Variants in SH3PXD2A observed in about 807,000 individuals in gnomAD.
The protein encoded by SH3PXD2A is SH3 and PX domains 2A.
In SH3PXD2A, 32 loss-of-function variants were observed where a neutral mutation model predicts 115.2. That is an observed-to-expected ratio of 0.28 (90% confidence interval 0.21 to 0.37). The LOEUF (loss-of-function observed/expected upper bound fraction) is 0.37, where lower values mean the gene tolerates loss of function less well. Among genes scored for constraint, SH3PXD2A ranks in the 10% least tolerant of loss-of-function variants. The probability of loss-of-function intolerance (pLI) is 1.00; values close to 1 mark genes in which losing one functional copy is unlikely to be tolerated. For missense variants in SH3PXD2A, 1,328 were observed against 1,498.7 expected (o/e 0.89, Z 1.88); for synonymous variants, 610 against 629.1 (o/e 0.97, Z 0.45).
At chr10:103,683,358 A>C (rs2037636060) in intron 6 of SH3PXD2A, among the ~76,000 whole-genome samples, 1 of 151,752 alleles carries the variant, frequency 6.6e-6, no homozygotes, top group South Asian at 2.1e-4. Flanking sequence ...ACTAAAATAC[A>C]AAAAAATTAG....
At chr10:103,841,444 G>A (rs1307393293) in intron 1 of SH3PXD2A, among the ~76,000 whole-genome samples, 1 of 152,114 alleles carries the variant, frequency 6.6e-6, no homozygotes, top group Non-Finnish European at 1.5e-5. Context: ...GATGGAGACT[G>A]TGTTTCCCCA....
Position 103,644,114 on chromosome 10 carries a change from CAAAAAAAAAAAAAA to C in SH3PXD2A, c.604+16855_604+16868del, listed in dbSNP as rs71019685. 2.5e-4 allele frequency among the ~76,000 whole-genome samples: 18 copies of C among 72,284 alleles called. 1 individual carries two copies. The East Asian group carries it at 6.7e-3, about 27-fold the overall frequency. 47.4% of individuals were successfully genotyped at this position (72,284 alleles called of 152,430 possible). A position where few individuals can be genotyped will look rare whatever the true frequency, so the allele number is the denominator to read the frequency against. On this transcript the variant is annotated intron_variant, in intron 8 of 14. Transcript: ENST00000369774. Reference sequence around the variant, plus strand: ...TGGGCGACAGAGCGAGGCTCCATCCCAAAAAAAAAAAAAAAAAAAAAAAAAGAATCTGCCGAACC... The same window carrying C: ...TGGGCGACAGAGCGAGGCTCCATCCCAAAAAAAAAAAGAATCTGCCGAACC...
intron 2 of SH3PXD2A, among the ~76,000 whole-genome samples, chr10:103,776,458 G>GTGTT (rs1247406736): frequency 2.7e-5 from 4 of 150,928 alleles, no homozygotes; most frequent in African/African-American, 9.8e-5. Flanking sequence ...GTGTGTGTGT[G>GTGTT]TGTGTGTGTG....
At chr10:103,661,913 G>A (rs1339458521) in intron 7 of SH3PXD2A, 3 of 984,880 alleles carry the variant, frequency 3.0e-6, no homozygotes, top group Admixed American at 6.2e-5. Flanking sequence ...CCCGCCCCCC[G>A]CCAACTTTTC....
chr10:103,632,871 A>G (rs1232810879), intron 8 of SH3PXD2A, among the ~76,000 whole-genome samples: 2 of 152,028 alleles, frequency 1.3e-5, no homozygotes, highest in East Asian at 3.9e-4. Flanking sequence ...GTAACTCGAG[A>G]GGCTGAGGCA....
chr10:103,832,481 T>C (rs933026126), intron 1 of SH3PXD2A, among the ~76,000 whole-genome samples: 15 of 151,960 alleles, frequency 9.9e-5, no homozygotes, highest in South Asian at 2.1e-4. Flanking sequence ...CTATTCACAA[T>C]AGCAAAGACT....
intron 6 of SH3PXD2A, among the ~76,000 whole-genome samples, chr10:103,683,955 A>T (rs1409677357): frequency 1.3e-5 from 2 of 152,182 alleles, no homozygotes; most frequent in Non-Finnish European, 2.9e-5. Flanking sequence ...GAGCCAACAA[A>T]CTATTAAGAG....
chr10:103,802,205 A>C (rs1003283325), intron 1 of SH3PXD2A, among the ~76,000 whole-genome samples: 1 of 152,188 alleles, frequency 6.6e-6, no homozygotes, highest in Admixed American at 6.5e-5. Flanking sequence ...AATGCCTTTC[A>C]GGAGACCAGA....
At chr10:103,800,981 C>A (rs952847653) in intron 2 of SH3PXD2A, among the ~76,000 whole-genome samples, 14 of 152,214 alleles carry the variant, frequency 9.2e-5, no homozygotes, top group African/African-American at 3.4e-4. Flanking sequence ...AGGCACACAG[C>A]ACCTCCCACC....
chr10:103,804,516 G>A (rs1459430223), intron 1 of SH3PXD2A, among the ~76,000 whole-genome samples: 2 of 151,942 alleles, frequency 1.3e-5, no homozygotes, highest in East Asian at 3.9e-4. Flanking sequence ...TAGAGACAGG[G>A]TTTCACCATG....
At chr10:103,624,974 G>C (rs1265659345) in intron 9 of SH3PXD2A, among the ~76,000 whole-genome samples, 1 of 152,192 alleles carries the variant, frequency 6.6e-6, no homozygotes, top group Non-Finnish European at 1.5e-5. Context: ...GGCGTGCGCA[G>C]GAACCTATTT....
At chr10:103,769,848 C>T (rs1214094882) in intron 2 of SH3PXD2A, among the ~76,000 whole-genome samples, 1 of 152,112 alleles carries the variant, frequency 6.6e-6, no homozygotes, top group Non-Finnish European at 1.5e-5. Flanking sequence ...TTTCCTATAC[C>T]TTAATGCTCA....
intron 6 of SH3PXD2A, among the ~76,000 whole-genome samples, chr10:103,688,155 C>G (rs924304364): frequency 2.6e-5 from 4 of 152,206 alleles, no homozygotes; most frequent in African/African-American, 9.7e-5. Flanking sequence ...ATCCCTCTAC[C>G]TTTGTGCATG....
intron 2 of SH3PXD2A, among the ~76,000 whole-genome samples, chr10:103,769,181 T>TGCGCGCGCGCGC (rs139822501): frequency 2.7e-5 from 3 of 112,944 alleles, no homozygotes; most frequent in African/African-American, 9.0e-5. Context: ...TGTGTGTGTG[T>TGCGCGCGCGCGC]GCGCGCGCGC....
At chr10:103,720,257 G>A (rs72815788) in intron 5 of SH3PXD2A, among the ~76,000 whole-genome samples, 19,417 of 152,222 alleles carry the variant, frequency 0.13, 1,337 homozygotes, top group African/African-American at 0.17. Flanking sequence ...TTATCCTTCC[G>A]TGTGAGGAGG....
rs2295589 is a variant in SH3PXD2A, at chr10:103,668,954, C to T, written c.428-302G>A. 1.1e-3 allele frequency among the ~76,000 whole-genome samples: 160 copies of T among 152,358 alleles called. 3 individuals carry two copies. The East Asian group carries it at 0.03, about 28-fold the overall frequency. On this transcript the variant is annotated intron_variant, in intron 6 of 14. Transcript: ENST00000369774. ...ACACGATCCTCCCTGGAACGGGGCCCGTGGTTATCACAGCCCTGTACAAGG... is the reference window on the plus strand; with the variant it reads ...ACACGATCCTCCCTGGAACGGGGCCTGTGGTTATCACAGCCCTGTACAAGG...
intron 1 of SH3PXD2A, among the ~76,000 whole-genome samples, chr10:103,846,383 G>A (rs1842848777): frequency 6.6e-6 from 1 of 152,228 alleles, no homozygotes; most frequent in Non-Finnish European, 1.5e-5. Flanking sequence ...GAAAACCAGA[G>A]GCCGTTTTCT....
chr10:103,654,228 ACT>A (rs2037175389), intron 8 of SH3PXD2A, among the ~76,000 whole-genome samples: 1 of 151,724 alleles, frequency 6.6e-6, no homozygotes, highest in Admixed American at 6.6e-5. Flanking sequence ...TTCCTGCTGG[ACT>A]CTGTTGATTA....
intron 6 of SH3PXD2A, among the ~76,000 whole-genome samples, chr10:103,687,881 A>C (rs2037699241): frequency 6.6e-6 from 1 of 152,076 alleles, no homozygotes; most frequent in African/African-American, 2.4e-5. Flanking sequence ...CTACTGCATC[A>C]TGAGCAGCCA....
Sources: allele counts gnomAD v4.1 joint callset (sites outside exome capture counted in the v4.1 genomes callset), GRCh38; gene constraint gnomAD v4.1.1; transcripts MANE v1.5; gene names NCBI Gene and HGNC (gene_info 2026-07-23, HGNC 2026-07-21).